The following GDA variants were observed in gnomAD, a reference collection of about 807,000 sequenced individuals.
GDA encodes cytoplasmic PSD-95 interactor.
In GDA, 18 loss-of-function variants were observed where a neutral mutation model predicts 59.6. The observed-to-expected ratio is 0.30, with a 90% CI of 0.21 to 0.45. The LOEUF is 0.45. Among genes scored for constraint, GDA ranks in the 20% least tolerant of loss-of-function variants. GDA has a pLI of 1.00. For synonymous variants in GDA, 201 were observed against 201.1 expected, an observed-to-expected ratio of 1.00 and a Z score of 0.00; for missense variants, 427 against 552.3, an observed-to-expected ratio of 0.77 and a Z score of 2.27.
chr9:72,227,902 T>C (rs1230593896), intron 8 of GDA, 41 bp from the exon 9 acceptor site: 1 of 1,057,102 alleles, frequency 9.5e-7, no homozygotes, highest in Non-Finnish European at 1.5e-6. Context: ...ACTTAATCAT[T>C]TGTGAGCGGT....
At chr9:72,139,894 A>C (rs761542419) in intron 1 of GDA, among the ~76,000 whole-genome samples, 2 of 152,166 alleles carry the variant, frequency 1.3e-5, no homozygotes, top group Non-Finnish European at 2.9e-5. Flanking sequence ...TTATATTTCT[A>C]ATTATATCTG....
At chr9:72,122,849 C>T (rs573530085) in intron 1 of GDA, among the ~76,000 whole-genome samples, 35 of 152,242 alleles carry the variant, frequency 2.3e-4, no homozygotes, top group African/African-American at 7.7e-4. Flanking sequence ...CCTTTACTGT[C>T]CTGCTCCAAG....
intron 10 of GDA, 90 bp downstream of exon 10, chr9:72,231,271 T>TAA (rs34627726): frequency 6.2e-3 from 3,848 of 624,448 alleles, no homozygotes; most frequent in Admixed American, 8.3e-3. Flanking sequence ...CTGTTCTGTT[T>TAA]AAAAAAAAAA....
intron 1 of GDA, among the ~76,000 whole-genome samples, chr9:72,195,170 G>A (rs1833001500): frequency 6.6e-6 from 1 of 152,162 alleles, no homozygotes; most frequent in Non-Finnish European, 1.5e-5. Context: ...TGCAGGGGGT[G>A]ATTGGTGAAG....
Position 72,248,611 on chromosome 9 carries a change from A to G in GDA, c.*269A>G, listed in dbSNP as rs560232403. Reference sequence around the variant, plus strand: ...TTAAGCTCAAACAGAAGGGAATGCTATTACTGGTGGTGTTCCTACGGTAAG... The same window carrying G: ...TTAAGCTCAAACAGAAGGGAATGCTGTTACTGGTGGTGTTCCTACGGTAAG... On this transcript the variant is annotated 3_prime_UTR_variant, in exon 14 of 14. Coordinates refer to ENST00000358399, the MANE Select transcript of GDA (RefSeq NM_004293.5). The G allele has an allele frequency of 8.2e-7, 1 of 1,224,860 alleles. No individual in the cohort carries two copies. Among genetic ancestry groups the G allele is most frequent in the Non-Finnish European group, 1.0e-6 (1 of 978,880 alleles). 75.9% of individuals were successfully genotyped at this position (1,224,860 alleles called of 1,614,324 possible).
chr9:72,149,771 G>A lies in GDA; in HGVS notation c.123+89G>A, dbSNP rs1037861920. 2.4e-5 allele frequency: 32 copies of A among 1,356,060 alleles called. 1 individual carries two copies. The South Asian group carries it at 4.6e-4, about 20-fold the overall frequency. 84.0% of individuals were successfully genotyped at this position (1,356,060 alleles called of 1,614,324 possible). On this transcript the variant is annotated intron_variant, in intron 1 of 13. Transcript: ENST00000358399. Reference sequence around the variant, plus strand: ...CGGTGCTTCGCGTAGCCCGGGGTTCGCTCGGTGCGCAGTGAGCGCCGCGGC... The same window carrying A: ...CGGTGCTTCGCGTAGCCCGGGGTTCACTCGGTGCGCAGTGAGCGCCGCGGC...
In GDA at chr9:72,174,401, C is replaced by T. The variant is rs1049645454; in HGVS notation, c.124-21099C>T. 2.0e-5 allele frequency among the ~76,000 whole-genome samples: 3 copies of T among 152,226 alleles called. No homozygotes were observed. The South Asian group carries it at 6.2e-4, about 32-fold the overall frequency. ...CATCATCCTAAGAATTTTACATATA[C>T]TGTCTCTTGTAATCTTCACAGCTTG... On this transcript the variant is annotated intron_variant, in intron 1 of 13. Transcript: ENST00000358399.
intron 1 of GDA, among the ~76,000 whole-genome samples, chr9:72,185,071 CTT>C (rs1295522979): frequency 1.3e-5 from 2 of 152,188 alleles, no homozygotes; most frequent in African/African-American, 2.4e-5. Flanking sequence ...TGTAAATAAA[CTT>C]ATATTGGAAT....
chr9:72,196,866 GT>G (rs1403632403), intron 2 of GDA, among the ~76,000 whole-genome samples: 3 of 151,732 alleles, frequency 2.0e-5, no homozygotes, highest in African/African-American at 7.3e-5. Flanking sequence ...TCCTGTGTTA[GT>G]TTGCTGAAAG....
chr9:72,201,221 A>C (rs1346994704), intron 2 of GDA, among the ~76,000 whole-genome samples: 1 of 150,252 alleles, frequency 6.7e-6, no homozygotes, highest in Non-Finnish European at 1.5e-5. Context: ...TATGTCAAAT[A>C]TCTAACTGCT....
At chr9:72,211,412 C>G (rs927533894) in intron 4 of GDA, among the ~76,000 whole-genome samples, 3 of 152,170 alleles carry the variant, frequency 2.0e-5, no homozygotes, top group African/African-American at 7.2e-5. Context: ...AAGTAACATG[C>G]CCAGGGTTGC....
In GDA at chr9:72,242,420, A is replaced by G. The variant is rs144028364; in HGVS notation, c.1135+1122A>G. Among the ~76,000 whole-genome samples the G allele has an allele frequency of 3.7e-3, 559 of 152,364 alleles. 1 individual carries two copies. Among genetic ancestry groups the G allele is most frequent in the African/African-American group, 0.011 (471 of 41,586 alleles). Reference sequence around the variant, plus strand: ...TCTTTAAGTCACTTTAGAATTATACATGTAATCAGAATGGATGATAGTGAA... The same window carrying G: ...TCTTTAAGTCACTTTAGAATTATACGTGTAATCAGAATGGATGATAGTGAA... On this transcript the variant is annotated intron_variant, in intron 11 of 13. Coordinates refer to ENST00000358399, the MANE Select transcript of GDA (RefSeq NM_004293.5).
intron 1 of GDA, among the ~76,000 whole-genome samples, chr9:72,150,430 C>T (rs950887038): frequency 6.6e-6 from 1 of 152,136 alleles, no homozygotes; most frequent in African/African-American, 2.4e-5. Flanking sequence ...GTATCTTTTA[C>T]ACTTCCTTTT....
At chr9:72,252,704 C>G (rs937091565), downstream of GDA, among the ~76,000 whole-genome samples, 3 of 152,174 alleles carry the variant, frequency 2.0e-5, no homozygotes, top group African/African-American at 4.8e-5. Flanking sequence ...TCTTGAGCTT[C>G]TAAGGAATCA....
At chr9:72,208,789 A>G (rs2131409021) in intron 3 of GDA, among the ~76,000 whole-genome samples, 1 of 152,312 alleles carries the variant, frequency 6.6e-6, no homozygotes, top group South Asian at 2.1e-4. Flanking sequence ...GTTGTGACAA[A>G]CAACTTATAT....
downstream of GDA, among the ~76,000 whole-genome samples, chr9:72,258,574 C>T (rs1840910275): frequency 6.6e-6 from 1 of 152,182 alleles, no homozygotes; most frequent in South Asian, 2.1e-4. Flanking sequence ...GGGCAGCTGG[C>T]CCCAAAGAAA....
intron 5 of GDA, among the ~76,000 whole-genome samples, chr9:72,217,982 C>T (rs1017898636): frequency 1.3e-5 from 2 of 151,940 alleles, no homozygotes; most frequent in Admixed American, 1.3e-4. Flanking sequence ...GGCACGGTCT[C>T]AGCTCACTGC....
At chr9:72,179,397 G>A (rs1830905371) in intron 1 of GDA, among the ~76,000 whole-genome samples, 1 of 152,162 alleles carries the variant, frequency 6.6e-6, no homozygotes, top group Admixed American at 6.5e-5. Flanking sequence ...GGGAGATATG[G>A]CAGATATCAT....
intron 1 of GDA, among the ~76,000 whole-genome samples, chr9:72,185,849 C>G (rs1307725485): frequency 6.6e-6 from 1 of 152,140 alleles, no homozygotes; most frequent in Non-Finnish European, 1.5e-5. Flanking sequence ...CCGACATTCT[C>G]ATTATTGCTC....
Sources: allele counts gnomAD v4.1 joint callset (sites outside exome capture counted in the v4.1 genomes callset), GRCh38; gene constraint gnomAD v4.1.1; transcripts MANE v1.5; gene names NCBI Gene and HGNC (gene_info 2026-07-23, HGNC 2026-07-21).